Variants in PRSS23 observed in about 807,000 individuals in gnomAD.
The protein encoded by PRSS23 is serine protease 23, also known as protease, serine 23.
A neutral mutation model predicts 34.7 loss-of-function variants in PRSS23; 25 were observed. The observed-to-expected ratio is 0.72, with a 90% CI of 0.53 to 1.01. The LOEUF (loss-of-function observed/expected upper bound fraction) is 1.01. PRSS23 is among the 50% of genes least tolerant of loss of function. The pLI, the probability that PRSS23 is intolerant of heterozygous loss-of-function variation, is 0.00. For synonymous variants in PRSS23, 176 were observed against 186.6 expected, an observed-to-expected ratio of 0.94 and a Z score of 0.46; for missense variants, 445 against 475.6, an observed-to-expected ratio of 0.94 and a Z score of 0.60.
At position 86,871,138 on chromosome 11, in the gene PRSS23, G is replaced by A. The variant is rs368323622; in HGVS notation, c.206+47545G>A. Among the ~76,000 whole-genome samples, 14 of 152,178 alleles carry A rather than the reference G, an allele frequency of 9.2e-5. No homozygotes were observed. In the East Asian group the frequency reaches 1.7e-3, roughly 19 times the overall value. On this transcript the variant is annotated intron_variant, in intron 2 of 2. Coordinates refer to the PRSS23 transcript ENST00000533902. ...AGAGCATGGAGTTTTATTTTAGCAC[G>A]CACTTAAGCTACTAGCAGATCATCT...
intron 2 of PRSS23, among the ~76,000 whole-genome samples, chr11:86,873,285 CAT>C (rs34873529): frequency 0.24 from 16,643 of 69,670 alleles, 1,997 homozygotes; most frequent in African/African-American, 0.39. Flanking sequence ...CATATATATA[CAT>C]ATATATATAT....
chr11:86,929,913 G>A (rs1949112129), intron 2 of PRSS23, among the ~76,000 whole-genome samples: 1 of 151,952 alleles, frequency 6.6e-6, no homozygotes. Flanking sequence ...AAAAGTGAGT[G>A]GAAAAAACAA....
intron 2 of PRSS23, among the ~76,000 whole-genome samples, chr11:86,890,460 T>G (rs1290788669): frequency 6.6e-6 from 1 of 152,204 alleles, no homozygotes. Flanking sequence ...ATTGTATCCA[T>G]GTAGGGTAAA....
upstream of PRSS23, among the ~76,000 whole-genome samples, chr11:86,797,402 C>G (rs1281234975): frequency 6.6e-6 from 1 of 152,178 alleles, no homozygotes; most frequent in South Asian, 2.1e-4. Context: ...CAGGAAGTAG[C>G]CTCTCATTTT....
At chr11:86,800,488 G>C (rs1160162139), upstream of PRSS23, 3 of 984,120 alleles carry the variant, frequency 3.0e-6, no homozygotes, top group Non-Finnish European at 3.6e-6. Flanking sequence ...GGCGGGCCTC[G>C]GGTGGCGCGG....
At chr11:86,845,972 A>G (rs1948483156) in intron 2 of PRSS23, among the ~76,000 whole-genome samples, 2 of 152,234 alleles carry the variant, frequency 1.3e-5, no homozygotes, top group Non-Finnish European at 2.9e-5. Context: ...AATCTAAGAC[A>G]TGTCACAAAA....
chr11:86,873,132 T>C (rs1380571948), intron 2 of PRSS23, among the ~76,000 whole-genome samples: 3 of 151,364 alleles, frequency 2.0e-5, no homozygotes, highest in Non-Finnish European at 4.4e-5. Flanking sequence ...CATTTGAGAA[T>C]AGTTCTTCTT....
chr11:86,866,954 C>A (rs1418537520), intron 2 of PRSS23, among the ~76,000 whole-genome samples: 2 of 152,204 alleles, frequency 1.3e-5, no homozygotes, highest in African/African-American at 4.8e-5. Context: ...CCATCAGAAT[C>A]ATGAGCCAAG....
chr11:86,918,556 C>G (rs1774585474), intron 2 of PRSS23, among the ~76,000 whole-genome samples: 1 of 152,194 alleles, frequency 6.6e-6, no homozygotes, highest in Non-Finnish European at 1.5e-5. Flanking sequence ...ATAGCATTTA[C>G]CACAATCTGA....
intron 2 of PRSS23, chr11:86,933,027 C>A (rs1949136652): frequency 6.6e-6 from 1 of 152,258 alleles, no homozygotes; most frequent in African/African-American, 2.4e-5. Context: ...TGGCTCAGCC[C>A]ACCAAGTGGT....
Position 86,951,167 on chromosome 11 carries a change from C to T in PRSS23, c.207-49C>T, listed in dbSNP as rs201256460. ...TTATACCACAGTCTCACTGCCTTTT[C>T]CAGGCTTCACCCAACCATTTCCTCT... On this transcript the variant is annotated intron_variant, in intron 2 of 2. Transcript: ENST00000533902. The T allele has an allele frequency of 8.9e-5, 144 of 1,614,076 alleles. No homozygotes were observed. The East Asian group carries it at 3.1e-3, about 35-fold the overall frequency.
chr11:86,952,837 T>C (rs1291211879), exon 3 of PRSS23: 1 of 174,908 alleles, frequency 5.7e-6, no homozygotes, highest in Non-Finnish European at 1.2e-5. Context: ...CTAAAGAAAC[T>C]AATATGACTC....
At chr11:86,867,926 T>C (rs938561586) in intron 2 of PRSS23, among the ~76,000 whole-genome samples, 2 of 147,756 alleles carry the variant, frequency 1.4e-5, no homozygotes, top group African/African-American at 5.1e-5. Context: ...AGTGGAGGTA[T>C]GGAAAAGAAG....
intron 2 of PRSS23, among the ~76,000 whole-genome samples, chr11:86,872,048 T>C (rs1381080037): frequency 6.6e-6 from 1 of 152,212 alleles, no homozygotes; most frequent in Non-Finnish European, 1.5e-5. Flanking sequence ...ATCCTGCCAC[T>C]TACAATTAGC....
intron 2 of PRSS23, among the ~76,000 whole-genome samples, chr11:86,829,345 C>G (rs1050292181): frequency 6.6e-6 from 1 of 152,218 alleles, no homozygotes. Context: ...TCAGCTCCGT[C>G]AGCTCCTTTA....
At chr11:86,822,584 G>A (rs1378129125) in intron 1 of PRSS23, among the ~76,000 whole-genome samples, 1 of 148,062 alleles carries the variant, frequency 6.8e-6, no homozygotes, top group African/African-American at 2.5e-5. Context: ...TCACGCCACT[G>A]CACTTCAGCC....
chr11:86,930,522 C>T (rs1437167398), intron 2 of PRSS23, among the ~76,000 whole-genome samples: 3 of 152,046 alleles, frequency 2.0e-5, no homozygotes, highest in Admixed American at 6.6e-5. Flanking sequence ...CCGGGCGCGG[C>T]GGCTCACGTC....
chr11:86,843,835 C>T (rs1948466483), intron 2 of PRSS23, among the ~76,000 whole-genome samples: 1 of 152,166 alleles, frequency 6.6e-6, no homozygotes, highest in Non-Finnish European at 1.5e-5. Context: ...GTTAGTTCAA[C>T]CATTGTGGAA....
intron 2 of PRSS23, among the ~76,000 whole-genome samples, chr11:86,856,037 T>A (rs1019818033): frequency 2.6e-5 from 4 of 152,188 alleles, no homozygotes; most frequent in African/African-American, 9.7e-5. Flanking sequence ...AATGTGAAAC[T>A]TTAGGGATAC....
Sources: allele counts gnomAD v4.1 joint callset (sites outside exome capture counted in the v4.1 genomes callset), GRCh38; gene constraint gnomAD v4.1.1; transcripts MANE v1.5; gene names NCBI Gene and HGNC (gene_info 2026-07-23, HGNC 2026-07-21).